Variants in RFTN1 observed in about 807,000 individuals in gnomAD.
The protein encoded by RFTN1 is raftlin.
RFTN1 carries 26 observed loss-of-function variants against 46.5 expected under a neutral mutation model. That is an observed-to-expected ratio of 0.56 (90% CI 0.41 to 0.78). RFTN1 has a LOEUF of 0.78. RFTN1 is among the 30% of genes least tolerant of loss of function. The pLI, the probability that RFTN1 is intolerant of heterozygous loss-of-function variation, is 0.00. For missense variants in RFTN1, 693 were observed against 718.7 expected (o/e 0.96, Z 0.41); for synonymous variants, 261 against 284.2 (o/e 0.92, Z 0.82).
rs1456967323 is a variant in RFTN1, at chr3:16,360,237, T to C, written c.1031-2190A>G. On this transcript the variant is annotated intron_variant, in intron 6 of 9. Coordinates refer to ENST00000334133, the MANE Select transcript of RFTN1 (RefSeq NM_015150.2). Reference sequence around the variant, plus strand: ...CTTAGACTGGAGTGCCATGGCACAATCACGGCTCACTGCAGCCTCAACCTC... The same window carrying C: ...CTTAGACTGGAGTGCCATGGCACAACCACGGCTCACTGCAGCCTCAACCTC... 4.6e-5 allele frequency among the ~76,000 whole-genome samples: 7 copies of C among 151,940 alleles called. No individual in the cohort carries two copies. In the East Asian group the frequency reaches 1.4e-3, roughly 29 times the overall value.
At chr3:16,403,726 A>ATATATATT (rs2074683027) in intron 4 of RFTN1, among the ~76,000 whole-genome samples, 1 of 17,656 alleles carries the variant, frequency 5.7e-5, no homozygotes, top group African/African-American at 2.8e-4. Flanking sequence ...TAATATATAT[A>ATATATATT]TTATATATAT....
Position 16,458,142 on chromosome 3 carries a change from C to T in RFTN1, c.146-24105G>A, listed in dbSNP as rs1264202015. ...ATAAACTACCCAGTCTTGGGTATTT[C>T]GTTTCAACAACACAAAATAGACTAA... On this transcript the variant is annotated intron_variant, in intron 2 of 9. Coordinates refer to ENST00000334133, the MANE Select transcript of RFTN1 (RefSeq NM_015150.2). This position sits in a 1 kb window ranked among gnomAD's most constrained non-coding sequence, Gnocchi z 5.1. 1.3e-5 allele frequency among the ~76,000 whole-genome samples: 2 copies of T among 152,164 alleles called. No individual in the cohort carries two copies. The highest frequency in any genetic ancestry group is 4.8e-5 in the African/African-American group (2 of 41,440).
chr3:16,391,866 TTTGTTTTTTTTTTTTGTTTTTTTTTTTG>T (rs1184038349), intron 4 of RFTN1, among the ~76,000 whole-genome samples: 7 of 17,866 alleles, frequency 3.9e-4, no homozygotes, highest in East Asian at 1.6e-3. Flanking sequence ...AGGTTTTTTT[TTTGTTTTTTTTTTTTGTTTTTTTTTTTG>T]TTTTTTTTAC....
chr3:16,409,506 A>G (rs772553743), intron 3 of RFTN1, 23 bp from the exon 4 acceptor site: 1 of 1,456,514 alleles, frequency 6.9e-7, no homozygotes, highest in Admixed American at 1.7e-5. Context: ...AAAAGCACAC[A>G]CAGAAACAGA....
rs1413978397 is a variant in RFTN1 at position 16,493,724 on chromosome 3, C to T, written c.145+1G>A. On this transcript the variant is annotated splice_donor_variant, in intron 2 of 9. Transcript: ENST00000334133. LOFTEE classifies it high-confidence loss of function. Reference sequence around the variant, plus strand: ...CATCCATTCCCACCCCATGTACTCACCAGCACTCAGAGTCGTGAACTCCAG... The same window carrying T: ...CATCCATTCCCACCCCATGTACTCATCAGCACTCAGAGTCGTGAACTCCAG... The T allele has an allele frequency of 6.5e-7, 1 of 1,536,546 alleles. No individual in the cohort carries two copies. Among genetic ancestry groups the T allele is most frequent in the Non-Finnish European group, 8.8e-7 (1 of 1,132,598 alleles).
intron 1 of RFTN1, among the ~76,000 whole-genome samples, chr3:16,510,190 A>AT (rs1328505182): frequency 6.6e-6 from 1 of 152,196 alleles, no homozygotes; most frequent in Non-Finnish European, 1.5e-5. Flanking sequence ...ACAAAGCCAA[A>AT]TCTGACCTGC....
rs544899328 is a variant in RFTN1 at position 16,446,236 on chromosome 3, A to G, written c.146-12199T>C. Among the ~76,000 whole-genome samples, 53 of 152,138 alleles carry G rather than the reference A, an allele frequency of 3.5e-4. No individual in the cohort carries two copies. Among genetic ancestry groups the G allele is most frequent in the South Asian group, 1.2e-3 (6 of 4,818 alleles). On this transcript the variant is annotated intron_variant, in intron 2 of 9. Transcript: ENST00000334133. The surrounding 1 kb of genome is among the most constrained non-coding windows in gnomAD (Gnocchi z 4.5). ...ACAAGACCAAGATGAAAGAACCATA[A>G]TGAGTCCTGGAAAAGAGTCAGCCAG...
intron 5 of RFTN1, among the ~76,000 whole-genome samples, chr3:16,372,829 G>A (rs998911330): frequency 4.6e-5 from 7 of 152,206 alleles, no homozygotes; most frequent in African/African-American, 1.7e-4. Context: ...GCCAGAGACA[G>A]AAATAAATTT....
At chr3:16,324,105 GT>G (rs560856336) in intron 8 of RFTN1, among the ~76,000 whole-genome samples, 172 of 93,742 alleles carry the variant, frequency 1.8e-3, no homozygotes, top group Middle Eastern at 0.01. Flanking sequence ...GAAGATCACT[GT>G]TTTTTTTTTC....
intron 2 of RFTN1, among the ~76,000 whole-genome samples, chr3:16,434,469 G>A (rs1239342832): frequency 3.3e-5 from 5 of 152,024 alleles, no homozygotes; most frequent in Non-Finnish European, 5.9e-5. Flanking sequence ...TGGGAAGATC[G>A]CTTGAGCTGG....
In RFTN1 at chr3:16,322,466, C is replaced by T. The variant is rs761034578; in HGVS notation, c.1332+910G>A. On this transcript the variant is annotated intron_variant, in intron 9 of 9. Transcript: ENST00000334133. The surrounding 1 kb of genome is among the most constrained non-coding windows in gnomAD (Gnocchi z 6.2). The stretch of plus-strand genomic sequence containing the variant: ...AGGAGTGATGCCAGGAGTGAGGAGC[C>T]GAGCAGGTCAGGCAGGCCCTGCCGA... 2.0e-5 allele frequency among the ~76,000 whole-genome samples: 3 copies of T among 152,158 alleles called. No individual in the cohort carries two copies. Among genetic ancestry groups the T allele is most frequent in the Admixed American group, 6.5e-5 (1 of 15,272 alleles).
At position 16,365,397 on chromosome 3, in the gene RFTN1, G is replaced by A. The variant is rs377230559; in HGVS notation, c.1030+4679C>T. Among the ~76,000 whole-genome samples, 4 of 147,676 alleles carry A rather than the reference G, an allele frequency of 2.7e-5. No homozygotes were observed. In the East Asian group the frequency reaches 8.0e-4, roughly 30 times the overall value. On this transcript the variant is annotated intron_variant, in intron 6 of 9. Coordinates refer to ENST00000334133, the MANE Select transcript of RFTN1 (RefSeq NM_015150.2). ...AAAGTACAAAAAGTAGGACCTGCCT[G>A]GGGGGTTGGTTGCGAGTATGTCTGT...
chr3:16,498,842 C>G lies in RFTN1; in HGVS notation c.-8-4965G>C, dbSNP rs1302499486. Among the ~76,000 whole-genome samples, 1 of 152,156 alleles carries G rather than the reference C, an allele frequency of 6.6e-6. No individual in the cohort carries two copies. Among genetic ancestry groups the G allele is most frequent in the Non-Finnish European group, 1.5e-5 (1 of 68,016 alleles). On this transcript the variant is annotated intron_variant, in intron 1 of 9. Coordinates refer to ENST00000334133, the MANE Select transcript of RFTN1 (RefSeq NM_015150.2). This position sits in a 1 kb window ranked among gnomAD's most constrained non-coding sequence, Gnocchi z 5.2. Reference sequence around the variant, plus strand: ...AAAAATGTCTATACCATGCTCAAAACAAGTCAGAAAAATCTAGCTTATAAA... The same window carrying G: ...AAAAATGTCTATACCATGCTCAAAAGAAGTCAGAAAAATCTAGCTTATAAA...
At chr3:16,325,721 A>G (rs1340564600) in intron 8 of RFTN1, among the ~76,000 whole-genome samples, 1 of 152,222 alleles carries the variant, frequency 6.6e-6, no homozygotes, top group Non-Finnish European at 1.5e-5. Flanking sequence ...CCCCTGGTGC[A>G]CTGACCCACT....
intron 4 of RFTN1, among the ~76,000 whole-genome samples, chr3:16,394,791 A>G (rs997178592): frequency 1.3e-5 from 2 of 152,220 alleles, no homozygotes; most frequent in Admixed American, 6.5e-5. Flanking sequence ...TCTTATTGAC[A>G]TATGAGCTGG....
At chr3:16,464,486 T>A (rs1369659493) in intron 2 of RFTN1, among the ~76,000 whole-genome samples, 2 of 152,258 alleles carry the variant, frequency 1.3e-5, no homozygotes, top group African/African-American at 4.8e-5. Flanking sequence ...TGCCTCAAAC[T>A]ACCCAATCCT....
chr3:16,391,264 T>G (rs1411794017), intron 4 of RFTN1, among the ~76,000 whole-genome samples: 1 of 152,254 alleles, frequency 6.6e-6, no homozygotes, highest in Non-Finnish European at 1.5e-5. Context: ...AGTTTAATTC[T>G]ATTTTCTCAT....
chr3:16,333,537 C>T (rs2070533244), intron 7 of RFTN1, among the ~76,000 whole-genome samples: 1 of 152,098 alleles, frequency 6.6e-6, no homozygotes, highest in Non-Finnish European at 1.5e-5. Flanking sequence ...AAATAGATGC[C>T]TGTGTCCAAT....
chr3:16,383,467 TTC>T lies in RFTN1; in HGVS notation c.442-5367_442-5366del, dbSNP rs990591606. ...TCAGGAATCATGATGTGAAAAATAT[TTC>T]TTTTTAAAAAAATGTAGTTATATAA... is the stretch of plus-strand genomic sequence containing the variant. On this transcript the variant is annotated intron_variant, in intron 4 of 9. Transcript: ENST00000334133. This position sits in a 1 kb window ranked among gnomAD's most constrained non-coding sequence, Gnocchi z 4.0. Among the ~76,000 whole-genome samples the T allele has an allele frequency of 1.7e-4, 26 of 152,358 alleles. No homozygotes were observed. Among genetic ancestry groups the T allele is most frequent in the African/African-American group, 6.0e-4 (25 of 41,576 alleles).
Sources: allele counts gnomAD v4.1 joint callset (sites outside exome capture counted in the v4.1 genomes callset), GRCh38; gene constraint gnomAD v4.1.1; non-coding constraint Gnocchi (gnomAD v3.1); transcripts MANE v1.5; gene names NCBI Gene and HGNC (gene_info 2026-07-23, HGNC 2026-07-21).